Variants in SULF2 observed in about 807,000 individuals in gnomAD.
The protein encoded by SULF2 is extracellular sulfatase Sulf-2.
SULF2 carries 52 observed loss-of-function variants against 107.7 expected under a neutral mutation model. The ratio of observed to expected loss-of-function variants is 0.48; its 90% CI spans 0.39 to 0.61. SULF2 has a LOEUF of 0.61. Ranked by LOEUF, SULF2 falls within the 20% of genes least tolerant of loss-of-function variation. The pLI, the probability that SULF2 is intolerant of heterozygous loss-of-function variation, is 0.00. For missense variants in SULF2, 993 were observed against 1,177.3 expected (o/e 0.84, Z 2.29); for synonymous variants, 460 against 464.3 (o/e 0.99, Z 0.12).
In SULF2 at chr20:47,745,436, TATATATATATATATATATATACAC is replaced by T. The variant is rs1332827581; in HGVS notation, c.176-8518_176-8495del. Among the ~76,000 whole-genome samples, 81 of 13,230 alleles carry T rather than the reference TATATATATATATATATATATACAC, an allele frequency of 6.1e-3. 4 individuals are homozygous for T. In the East Asian group the frequency reaches 0.13, roughly 22 times the overall value. The allele number at this position is 13,230 out of a possible 152,430, so 8.7% of individuals were successfully genotyped here. A position where few individuals can be genotyped will look rare whatever the true frequency, so the allele number is the denominator to read the frequency against. On this transcript the variant is annotated intron_variant, in intron 2 of 20. Coordinates refer to ENST00000688720, the MANE Select transcript of SULF2 (RefSeq NM_001387048.1). Reference sequence around the variant, plus strand: ...ATATATATATATATATATATATATATATATATATATATATATATATACACATACACACACACTTTTTTAGTTCAA... The same window carrying T: ...ATATATATATATATATATATATATATATACACACACACTTTTTTAGTTCAA...
chr20:47,770,967 A>AG (rs1023717706), intron 1 of SULF2, among the ~76,000 whole-genome samples: 1 of 152,046 alleles, frequency 6.6e-6, no homozygotes, highest in African/African-American at 2.4e-5. Flanking sequence ...ATTCAAGGGG[A>AG]GGGGACACAG....
At chr20:47,723,771 G>A (rs1468105498) in intron 3 of SULF2, among the ~76,000 whole-genome samples, 3 of 152,026 alleles carry the variant, frequency 2.0e-5, no homozygotes, top group Non-Finnish European at 2.9e-5. Context: ...AAACAAGCTC[G>A]GGCTCCCACT....
intron 13 of SULF2, 60 bp downstream of exon 13, chr20:47,665,797 C>G: frequency 1.4e-6 from 2 of 1,445,308 alleles, no homozygotes; most frequent in Non-Finnish European, 1.9e-6. Context: ...CACTGTGAAC[C>G]GGGGGTCCTG....
intron 1 of SULF2, among the ~76,000 whole-genome samples, chr20:47,773,719 T>A (rs1178189530): frequency 6.6e-6 from 1 of 152,266 alleles, no homozygotes. Flanking sequence ...AGCAATAAAG[T>A]CCGACTTGAA....
chr20:47,695,740 A>G (rs1171854768), intron 4 of SULF2, among the ~76,000 whole-genome samples: 1 of 152,130 alleles, frequency 6.6e-6, no homozygotes, highest in Non-Finnish European at 1.5e-5. Flanking sequence ...CAGCCTCCCA[A>G]GTAGCTGGAC....
chr20:47,772,321 A>G (rs990770515), intron 1 of SULF2, among the ~76,000 whole-genome samples: 1 of 152,230 alleles, frequency 6.6e-6, no homozygotes, highest in Admixed American at 6.5e-5. Context: ...ATGAGATGCA[A>G]GTAGCACCTA....
At chr20:47,768,560 G>C (rs766347483) in intron 1 of SULF2, among the ~76,000 whole-genome samples, 1 of 152,266 alleles carries the variant, frequency 6.6e-6, no homozygotes, top group South Asian at 2.1e-4. Flanking sequence ...CTCAGGGCAC[G>C]GCCTACCAGC....
chr20:47,737,751 C>CTT (rs1568881263), intron 2 of SULF2, among the ~76,000 whole-genome samples: 17 of 95,050 alleles, frequency 1.8e-4, no homozygotes, highest in East Asian at 6.6e-4. Context: ...TCTTTCTTTT[C>CTT]TTTGTTTTTT....
chr20:47,782,235 ACC>A (rs1457671099), intron 1 of SULF2, among the ~76,000 whole-genome samples: 1 of 152,144 alleles, frequency 6.6e-6, no homozygotes, highest in Non-Finnish European at 1.5e-5. Context: ...GTACCCTGAC[ACC>A]CAACTGTGGC....
rs955873198 is a variant in SULF2 at position 47,667,242 on chromosome 20, G to A, written c.1577-754C>T. On this transcript the variant is annotated intron_variant, in intron 11 of 20. Transcript: ENST00000688720. The stretch of plus-strand genomic sequence containing the variant: ...TGCCTGTCTCTGGGTAGAAATGGAC[G>A]GGGACTGGGGAAGCCACTTAGCTTC... 3.9e-5 allele frequency among the ~76,000 whole-genome samples: 6 copies of A among 152,114 alleles called. No homozygotes were observed. In the East Asian group the frequency reaches 5.8e-4, roughly 15 times the overall value.
intron 11 of SULF2, among the ~76,000 whole-genome samples, chr20:47,667,364 G>A (rs1046523247): frequency 6.6e-6 from 1 of 152,124 alleles, no homozygotes; most frequent in Non-Finnish European, 1.5e-5. Context: ...TTTTGCATAC[G>A]CCCTGACGCT....
chr20:47,754,087 T>A (rs1257102237), intron 2 of SULF2, among the ~76,000 whole-genome samples: 1 of 152,144 alleles, frequency 6.6e-6, no homozygotes, highest in African/African-American at 2.4e-5. Flanking sequence ...GTCAAATGCG[T>A]GCAGGGAAAG....
chr20:47,737,049 T>TGGAGTAG, intron 2 of SULF2, 107 bp from the exon 3 acceptor site: 1 of 1,525,572 alleles, frequency 6.6e-7, no homozygotes, highest in Non-Finnish European at 8.9e-7. Flanking sequence ...GGGCACATTC[T>TGGAGTAG]GCAGACCTAC....
chr20:47,770,053 G>GTT (rs56786760), intron 1 of SULF2, among the ~76,000 whole-genome samples: 2,190 of 63,108 alleles, frequency 0.035, 196 homozygotes, highest in African/African-American at 0.047. Context: ...ATCTGGTGTA[G>GTT]TTTTTTTTTT....
intron 1 of SULF2, among the ~76,000 whole-genome samples, chr20:47,771,162 G>C (rs1227259216): frequency 6.6e-6 from 1 of 152,158 alleles, no homozygotes; most frequent in Non-Finnish European, 1.5e-5. Context: ...TCTGATCCCT[G>C]GCTGTCGGGG....
At chr20:47,777,887 G>A (rs1045685076) in intron 1 of SULF2, among the ~76,000 whole-genome samples, 2 of 151,534 alleles carry the variant, frequency 1.3e-5, no homozygotes, top group Non-Finnish European at 1.5e-5. Context: ...GGTGGCTCAC[G>A]CCTGTAATCC....
intron 1 of SULF2, among the ~76,000 whole-genome samples, chr20:47,779,088 C>T (rs2090775656): frequency 6.6e-6 from 1 of 152,198 alleles, no homozygotes; most frequent in South Asian, 2.1e-4. Context: ...TCTCTCCTAT[C>T]TTCCCTATTT....
chr20:47,750,696 C>T (rs113179776), intron 2 of SULF2, among the ~76,000 whole-genome samples: 3 of 152,222 alleles, frequency 2.0e-5, no homozygotes, highest in African/African-American at 7.2e-5. Flanking sequence ...ATCTTCCTCC[C>T]ATTCAAAGGC....
chr20:47,690,492 ATGCAAATGG>A (rs1403098465), intron 4 of SULF2, among the ~76,000 whole-genome samples, 197 bp from the exon 5 acceptor site: 2 of 152,230 alleles, frequency 1.3e-5, no homozygotes, highest in African/African-American at 4.8e-5. Context: ...CAGACAAATG[ATGCAAATGG>A]TGCTAAGCTA....
Sources: gnomAD v4.1 joint callset for allele counts (sites outside exome capture counted in the v4.1 genomes callset) on GRCh38, gnomAD v4.1.1 for gene constraint, MANE v1.5 for transcripts, NCBI Gene and HGNC (gene_info 2026-07-23, HGNC 2026-07-21) for gene names.